SNPH: variants seen among roughly 807,000 people sequenced by gnomAD.
The protein encoded by SNPH is syntaphilin.
Under a neutral mutation model 36.8 loss-of-function variants are expected in SNPH, and 10 were observed. The observed-to-expected ratio is 0.27, with a 90% CI of 0.17 to 0.46. The LOEUF is 0.46. Among genes scored for constraint, SNPH ranks in the 20% least tolerant of loss-of-function variants. The pLI is 1.00. For missense variants in SNPH, 622 were observed against 744.0 expected, an observed-to-expected ratio of 0.84 and a Z score of 1.91; for synonymous variants, 281 against 312.2, an observed-to-expected ratio of 0.90 and a Z score of 1.05.
chr20:1,277,650 G>A (rs1323719702), intron 2 of SNPH, among the ~76,000 whole-genome samples: 2 of 149,128 alleles, frequency 1.3e-5, no homozygotes, highest in Admixed American at 6.7e-5. Flanking sequence ...GTGCCTGTGT[G>A]TCTGTGTATC....
At chr20:1,298,513 G>T (rs1321272893) in intron 5 of SNPH, among the ~76,000 whole-genome samples, 2 of 152,346 alleles carry the variant, frequency 1.3e-5, no homozygotes, top group African/African-American at 2.4e-5. Context: ...CAGAGACTGG[G>T]GGACATAGGA....
chr20:1,268,323 G>A (rs2088032240), intron 2 of SNPH, among the ~76,000 whole-genome samples: 1 of 152,192 alleles, frequency 6.6e-6, no homozygotes, highest in African/African-American at 2.4e-5. Context: ...GCAGGGCAGG[G>A]ATCAGGTCTT....
At position 1,276,512 on chromosome 20, in the gene SNPH, A is replaced by C. The variant is rs1315000449; in HGVS notation, c.-493+9752A>C. 2.6e-5 allele frequency among the ~76,000 whole-genome samples: 4 copies of C among 151,636 alleles called. No homozygotes were observed. In the Middle Eastern group the frequency reaches 0.01, roughly 392 times the overall value. The stretch of plus-strand genomic sequence containing the variant: ...AATTTATCTGACCCTTAGTACCTCA[A>C]TAGTAAAAATGGGCATCATAATCAT... On this transcript the variant is annotated intron_variant, in intron 2 of 6. Coordinates refer to ENST00000381867, the MANE Select transcript of SNPH (RefSeq NM_001318234.2). This position sits in a 1 kb window ranked among gnomAD's most constrained non-coding sequence, Gnocchi z 4.6.
rs2088572087 is a variant in SNPH, at chr20:1,305,929, A to G, written c.1492A>G (p.Ile498Val). The change falls in exon 7 of 7, where the codon ATC (isoleucine) becomes GTC (valine). Residue 498 changes from isoleucine to valine, a missense_variant. Around this residue, in one of 3 missense-constraint regions of SNPH, gnomAD observed 379 missense variants for 427.9 expected, o/e 0.89. Coordinates refer to ENST00000381867, the MANE Select transcript of SNPH (RefSeq NM_001318234.2). Reference protein sequence around the residue: ...CRSQRRQGQPIYNISSLLRGC... With the variant: ...CRSQRRQGQPVYNISSLLRGC... ...CTCCCAGCGGCGCCAGGGCCAGCCC[A>G]TCTACAACATCAGCTCCCTGCTGCG... is the stretch of plus-strand genomic sequence containing the variant. 6.3e-7 allele frequency: 1 copy of G among 1,591,808 alleles called. No individual in the cohort carries two copies.
chr20:1,274,212 C>T (rs1002812194), intron 2 of SNPH, among the ~76,000 whole-genome samples: 1 of 152,006 alleles, frequency 6.6e-6, no homozygotes, highest in African/African-American at 2.4e-5. Flanking sequence ...GACAGGATAG[C>T]AGTTTTCAGG....
intron 2 of SNPH, among the ~76,000 whole-genome samples, chr20:1,281,698 A>G (rs147231593): frequency 1.2e-4 from 19 of 152,220 alleles, no homozygotes; most frequent in African/African-American, 4.1e-4. Context: ...CCAGCTTCTG[A>G]GTTCTGCAGA....
rs1162325274 is a variant in SNPH, at chr20:1,279,618, C to CTTTTTTTTTTTTTT, written c.-493+12864_-493+12877dup. Among the ~76,000 whole-genome samples the CTTTTTTTTTTTTTT allele has an allele frequency of 1.1e-4, 14 of 123,084 alleles. 1 individual carries two copies. Among genetic ancestry groups the CTTTTTTTTTTTTTT allele is most frequent in the African/African-American group, 3.9e-4 (13 of 33,470 alleles). The allele number at this position is 123,084 out of a possible 152,430, so 80.7% of individuals were successfully genotyped here. On this transcript the variant is annotated intron_variant, in intron 2 of 6. Coordinates refer to ENST00000381867, the MANE Select transcript of SNPH (RefSeq NM_001318234.2). Reference sequence around the variant, plus strand: ...CTGGTTTCCTGAGAGACTCCGGCTTCTTTTTTTTTTTTTTTTTTTGAGACA... The same window carrying CTTTTTTTTTTTTTT: ...CTGGTTTCCTGAGAGACTCCGGCTTCTTTTTTTTTTTTTTTTTTTTTTTTTTTTTTTTTGAGACA...
rs1230589900 is a variant in SNPH, at chr20:1,296,399, C to T, written c.160C>T (p.Arg54Trp). ...GGCCATGTCCCTGCCAGGAAGTAGA[C>T]GGACCTCTGCTGGATCACGCAGGTG... ...LMAMSLPGSRRTSAGSRRRTS... is the reference protein window; with the variant it reads ...LMAMSLPGSRWTSAGSRRRTS... Residue 54 changes from arginine (R) to tryptophan (W), a missense_variant, in exon 4 of 7, where the codon CGG (arginine) becomes TGG (tryptophan). Coordinates refer to ENST00000381867, the MANE Select transcript of SNPH (RefSeq NM_001318234.2). 3.7e-6 allele frequency: 6 copies of T among 1,603,730 alleles called. No homozygotes were observed. The highest frequency in any genetic ancestry group is 1.7e-5 in the Admixed American group (1 of 58,794).
chr20:1,276,236 C>T lies in SNPH; in HGVS notation c.-493+9476C>T, dbSNP rs1003228859. ...CCCCCTCCACAGGAGGGGGGCTCCTCACTCTGGGGCCGTGTGTTTGAGAGA... is the reference window on the plus strand; with the variant it reads ...CCCCCTCCACAGGAGGGGGGCTCCTTACTCTGGGGCCGTGTGTTTGAGAGA... On this transcript the variant is annotated intron_variant, in intron 2 of 6. Coordinates refer to ENST00000381867, the MANE Select transcript of SNPH (RefSeq NM_001318234.2). The surrounding 1 kb of genome is among the most constrained non-coding windows in gnomAD (Gnocchi z 4.6). Among the ~76,000 whole-genome samples the T allele has an allele frequency of 7.3e-5, 8 of 110,154 alleles. No individual in the cohort carries two copies. Among genetic ancestry groups the T allele is most frequent in the African/African-American group, 2.1e-4 (7 of 33,280 alleles). 72.3% of individuals were successfully genotyped at this position (110,154 alleles called of 152,430 possible).
At chr20:1,269,469 C>T (rs1034762232) in intron 2 of SNPH, among the ~76,000 whole-genome samples, 2 of 152,172 alleles carry the variant, frequency 1.3e-5, no homozygotes, top group South Asian at 2.1e-4. Context: ...AACTGCTATC[C>T]GACACCAGGT....
In SNPH at chr20:1,294,091, C is replaced by G. The variant is rs995112893; in HGVS notation, c.-492-860C>G. On this transcript the variant is annotated intron_variant, in intron 2 of 6. Coordinates refer to ENST00000381867, the MANE Select transcript of SNPH (RefSeq NM_001318234.2). This position sits in a 1 kb window ranked among gnomAD's most constrained non-coding sequence, Gnocchi z 4.4. ...TGCATCCTCCCAAAAGCCAGAAGGGCAGGGATGATGGTGGGAAAGTTGTTG... is the reference window on the plus strand; with the variant it reads ...TGCATCCTCCCAAAAGCCAGAAGGGGAGGGATGATGGTGGGAAAGTTGTTG... Among the ~76,000 whole-genome samples, 1 of 152,176 alleles carries G rather than the reference C, an allele frequency of 6.6e-6. No individual in the cohort carries two copies. Among genetic ancestry groups the G allele is most frequent in the Non-Finnish European group, 1.5e-5 (1 of 68,038 alleles).
At chr20:1,296,903 C>G (rs2088442970) in intron 4 of SNPH, 1 of 307,188 alleles carries the variant, frequency 3.3e-6, no homozygotes, top group South Asian at 1.3e-4. Flanking sequence ...CCCTGCAGCC[C>G]TGCCGGCCCC....
In SNPH at chr20:1,266,300, A is replaced by C. The variant is rs1228932809; in HGVS notation, c.-697A>C. 1.5e-4 allele frequency: 24 copies of C among 160,092 alleles called. No individual in the cohort carries two copies. The highest frequency in any genetic ancestry group is 4.1e-4 in the East Asian group (2 of 4,898). 9.9% of individuals were successfully genotyped at this position (160,092 alleles called of 1,614,324 possible). On this transcript the variant is annotated 5_prime_UTR_variant, in exon 1 of 7. Coordinates refer to ENST00000381867, the MANE Select transcript of SNPH (RefSeq NM_001318234.2). The surrounding 1 kb of genome is among the most constrained non-coding windows in gnomAD (Gnocchi z 6.0). ...CCCGCCCCTCCCTCCCGGCAGCCCC[A>C]GCCCCGGCGAGCACCCAGCTAGCCG...
intron 2 of SNPH, among the ~76,000 whole-genome samples, chr20:1,290,190 C>T (rs139007256): frequency 0.014 from 2,070 of 145,430 alleles, 29 homozygotes; most frequent in African/African-American, 0.034. Context: ...CTAGCCTGGG[C>T]GACACAGTGA....
In SNPH at chr20:1,305,257, G is replaced by T. The variant is rs1344633011; in HGVS notation, c.820G>T (p.Gly274Cys). Residue 274 changes from glycine to cysteine, a missense_variant, in exon 7 of 7, where the codon GGT becomes TGT. This residue lies in a region of SNPH where 379 missense variants were observed against 427.9 expected (regional missense o/e 0.89). Coordinates refer to ENST00000381867, the MANE Select transcript of SNPH (RefSeq NM_001318234.2). Reference protein sequence around the residue: ...DPAVCGDRQPGDPSSGSAEDG... With the variant: ...DPAVCGDRQPCDPSSGSAEDG... ...GGCTGTCTGTGGTGACCGCCAGCCG[G>T]GTGATCCCTCCAGCGGCTCTGCTGA... The T allele has an allele frequency of 6.2e-7, 1 of 1,611,012 alleles. No homozygotes were observed. The highest frequency in any genetic ancestry group is 1.7e-5 in the Admixed American group (1 of 60,008).
intron 2 of SNPH, among the ~76,000 whole-genome samples, chr20:1,277,450 TC>T (rs1036281575): frequency 2.0e-5 from 3 of 151,658 alleles, no homozygotes; most frequent in Non-Finnish European, 4.4e-5. Flanking sequence ...TGTGTGTGTG[TC>T]CATGTGTATG....
intron 2 of SNPH, among the ~76,000 whole-genome samples, chr20:1,290,437 C>A (rs1009661387): frequency 7.2e-5 from 11 of 152,200 alleles, no homozygotes; most frequent in Non-Finnish European, 4.4e-5. Context: ...TGGAATCATG[C>A]AATATGCGGC....
rs2088600053 is a variant in SNPH at position 1,307,769 on chromosome 20, C to T, written c.*1715C>T. 6.6e-6 allele frequency: 1 copy of T among 152,482 alleles called. No homozygotes were observed. Among genetic ancestry groups the T allele is most frequent in the Admixed American group, 6.5e-5 (1 of 15,296 alleles). 9.4% of individuals were successfully genotyped at this position (152,482 alleles called of 1,614,324 possible). On this transcript the variant is annotated 3_prime_UTR_variant, in exon 7 of 7. Coordinates refer to ENST00000381867, the MANE Select transcript of SNPH (RefSeq NM_001318234.2). ...ACACGCTTTGTGCCTCCAAAGCTCCCCCCGCCTTGGTCAGGGCCTCAGACC... is the reference window on the plus strand; with the variant it reads ...ACACGCTTTGTGCCTCCAAAGCTCCTCCCGCCTTGGTCAGGGCCTCAGACC...
rs188818351 is a variant in SNPH, at chr20:1,295,795, G to A, written c.-445G>A. The A allele has an allele frequency of 2.4e-4, 40 of 165,884 alleles. No individual in the cohort carries two copies. Among genetic ancestry groups the A allele is most frequent in the East Asian group, 1.4e-3 (8 of 5,696 alleles). The allele number at this position is 165,884 out of a possible 1,614,324, so 10.3% of individuals were successfully genotyped here. A position where few individuals can be genotyped will look rare whatever the true frequency, so the allele number is the denominator to read the frequency against. Reference sequence around the variant, plus strand: ...CTGTAGACGGGAAGCCCCGAACCACGGGCCAACTGGGAAGTTGATGGTCGG... The same window carrying A: ...CTGTAGACGGGAAGCCCCGAACCACAGGCCAACTGGGAAGTTGATGGTCGG... On this transcript the variant is annotated 5_prime_UTR_variant, in exon 4 of 7. Transcript: ENST00000381867.
Sources: gnomAD v4.1 joint callset for allele counts (sites outside exome capture counted in the v4.1 genomes callset) on GRCh38, gnomAD v4.1.1 for gene constraint, gnomAD v4.1.1 regional missense constraint, Gnocchi (gnomAD v3.1) non-coding constraint, MANE v1.5 for transcripts, NCBI Gene and HGNC (gene_info 2026-07-23, HGNC 2026-07-21) for gene names.